MCPH1: variants seen among roughly 807,000 people sequenced by gnomAD.
MCPH1 encodes the protein microcephalin 1, also known as microcephalin.
A neutral mutation model predicts 84.5 loss-of-function variants in MCPH1; 104 were observed. The ratio of observed to expected loss-of-function variants is 1.23; its 90% CI spans 1.05 to 1.45. The LOEUF (loss-of-function observed/expected upper bound fraction) is 1.45. MCPH1 is among the 40% of genes most tolerant of loss of function. The pLI, the probability that MCPH1 is intolerant of heterozygous loss-of-function variation, is 0.00. For missense variants in MCPH1, 1,498 were observed against 1,005.7 expected, an observed-to-expected ratio of 1.49 and a Z score of -6.62; for synonymous variants, 514 against 366.8, an observed-to-expected ratio of 1.40 and a Z score of -4.58.
intron 12 of MCPH1, among the ~76,000 whole-genome samples, chr8:6,547,673 A>C (rs1329561032): frequency 6.6e-6 from 1 of 152,058 alleles, no homozygotes; most frequent in Non-Finnish European, 1.5e-5. Context: ...TGTGTGACAC[A>C]CAGCACAGCA....
chr8:6,468,211 C>G (rs552492731), intron 9 of MCPH1, among the ~76,000 whole-genome samples: 3 of 152,308 alleles, frequency 2.0e-5, no homozygotes, highest in African/African-American at 7.2e-5. Context: ...TGGCTTCTCT[C>G]CTCCTGCCAC....
intron 12 of MCPH1, chr8:6,562,974 G>A (rs2129575940): frequency 6.5e-7 from 1 of 1,548,226 alleles, no homozygotes; most frequent in Non-Finnish European, 8.8e-7. Context: ...GCAAACTTGA[G>A]GGCAAACACA....
intron 12 of MCPH1, among the ~76,000 whole-genome samples, chr8:6,537,437 C>T (rs1335761134): frequency 6.6e-6 from 1 of 151,982 alleles, no homozygotes; most frequent in Non-Finnish European, 1.5e-5. Context: ...GCATGGTTTG[C>T]TGCTTAGTGT....
At chr8:6,491,973 G>T (rs1810647068) in intron 11 of MCPH1, among the ~76,000 whole-genome samples, 1 of 152,166 alleles carries the variant, frequency 6.6e-6, no homozygotes, top group Non-Finnish European at 1.5e-5. Context: ...ATGATTTATA[G>T]TCCTTTGGGT....
chr8:6,474,408 C>A (rs975169296), intron 9 of MCPH1: 12 of 266,084 alleles, frequency 4.5e-5, no homozygotes, highest in South Asian at 2.5e-4. Flanking sequence ...GGGGTCAAAA[C>A]TAATTTCATA....
chr8:6,480,666 T>G, intron 10 of MCPH1, 48 bp from the exon 11 acceptor site: 2 of 1,608,618 alleles, frequency 1.2e-6, no homozygotes, highest in Non-Finnish European at 1.7e-6. Context: ...TTGATGGGCA[T>G]GTGCAACAAA....
chr8:6,556,963 G>A (rs962087291), intron 12 of MCPH1, among the ~76,000 whole-genome samples: 3 of 152,254 alleles, frequency 2.0e-5, no homozygotes, highest in Middle Eastern at 3.4e-3. Context: ...GAAGGCACTC[G>A]ATAAATATTT....
chr8:6,547,869 G>A (rs1822890652), intron 12 of MCPH1, among the ~76,000 whole-genome samples: 1 of 151,442 alleles, frequency 6.6e-6, no homozygotes, highest in Non-Finnish European at 1.5e-5. Flanking sequence ...TTGTTTCAGT[G>A]AGTCATCTTA....
chr8:6,486,275 TC>T (rs1809900838), intron 11 of MCPH1, among the ~76,000 whole-genome samples: 1 of 150,826 alleles, frequency 6.6e-6, no homozygotes, highest in African/African-American at 2.5e-5. Context: ...TCTCTCTCTC[TC>T]TCTCTCTCTC....
chr8:6,474,844 GA>G (rs1808229086), intron 9 of MCPH1, among the ~76,000 whole-genome samples: 1 of 152,078 alleles, frequency 6.6e-6, no homozygotes, highest in South Asian at 2.1e-4. Context: ...TAAAAAATAA[GA>G]ATAATAATAC....
At position 6,592,614 on chromosome 8, in the gene MCPH1, C is replaced by CTTTT. The variant is rs1252024553; in HGVS notation, c.2215-28835_2215-28832dup. Among the ~76,000 whole-genome samples, 208 of 65,400 alleles carry CTTTT rather than the reference C, an allele frequency of 3.2e-3. 8 individuals carry two copies. Among genetic ancestry groups the CTTTT allele is most frequent in the East Asian group, 0.014 (19 of 1,398 alleles). 42.9% of individuals were successfully genotyped at this position (65,400 alleles called of 152,430 possible). ...GTCATCTAGGCTCTCGTTTTTCTTT[C>CTTTT]TTTTTTTTGTTTTTTTTTTTTTTTT... On this transcript the variant is annotated intron_variant, in intron 12 of 13. Transcript: ENST00000344683.
chr8:6,438,508 A>G (rs1329499280), intron 5 of MCPH1, among the ~76,000 whole-genome samples: 1 of 152,194 alleles, frequency 6.6e-6, no homozygotes, highest in Non-Finnish European at 1.5e-5. Context: ...ATCCCACTTC[A>G]TGCAGTCAAG....
chr8:6,407,522 C>T (rs1012899857), intron 1 of MCPH1, among the ~76,000 whole-genome samples: 2 of 152,066 alleles, frequency 1.3e-5, no homozygotes, highest in African/African-American at 4.8e-5. Context: ...AGGGGAATAG[C>T]GGACACGTGT....
rs531345541 is a variant in MCPH1, at chr8:6,647,325, A to G, written c.*4276A>G. 6.6e-6 allele frequency: 1 copy of G among 152,350 alleles called. No individual in the cohort carries two copies. Among genetic ancestry groups the G allele is most frequent in the Non-Finnish European group, 1.5e-5 (1 of 68,030 alleles). The allele number at this position is 152,350 out of a possible 1,614,324, so 9.4% of individuals were successfully genotyped here. A position where few individuals can be genotyped will look rare whatever the true frequency, so the allele number is the denominator to read the frequency against. ...ACTAGAACTCTCCTACATTGCTGGCATGAGTGCAAAATGATACAGCCACTT... is the reference window on the plus strand; with the variant it reads ...ACTAGAACTCTCCTACATTGCTGGCGTGAGTGCAAAATGATACAGCCACTT... On this transcript the variant is annotated 3_prime_UTR_variant, in exon 14 of 14. Transcript: ENST00000344683.
rs561055149 is a variant in MCPH1 at position 6,645,869 on chromosome 8, TAA to T, written c.*2822_*2823del. 166 of 152,304 alleles carry T rather than the reference TAA, an allele frequency of 1.1e-3. No individual in the cohort carries two copies. The highest frequency in any genetic ancestry group is 3.9e-3 in the African/African-American group (163 of 41,576). 9.4% of individuals were successfully genotyped at this position (152,304 alleles called of 1,614,324 possible). A position where few individuals can be genotyped will look rare whatever the true frequency, so the allele number is the denominator to read the frequency against. On this transcript the variant is annotated 3_prime_UTR_variant, in exon 14 of 14. Coordinates refer to ENST00000344683, the MANE Select transcript of MCPH1 (RefSeq NM_024596.5). ...CCTGTAAAACATTGCTGAAAGAAGT[TAA>T]AGACTTCTTTAAATAGAGACATATA...
At chr8:6,465,839 T>G (rs1174111138) in intron 9 of MCPH1, among the ~76,000 whole-genome samples, 3 of 152,340 alleles carry the variant, frequency 2.0e-5, no homozygotes, top group Admixed American at 2.0e-4. Flanking sequence ...GGCTAGAATT[T>G]ACTTTAAATG....
chr8:6,532,307 G>T lies in MCPH1; in HGVS notation c.2214+32378G>T, dbSNP rs142236993. 12,290 of 1,613,702 alleles carry T rather than the reference G, an allele frequency of 7.6e-3. 67 individuals are homozygous for T. The highest frequency in any genetic ancestry group is 9.2e-3 in the Non-Finnish European group (10,878 of 1,179,870). On this transcript the variant is annotated intron_variant, in intron 12 of 13. Transcript: ENST00000344683. ...GCTAGTCTCTAGCTGCAGGGACACCGTGTGCTTTATGTGGCATTACTTACT... is the reference window on the plus strand; with the variant it reads ...GCTAGTCTCTAGCTGCAGGGACACCTTGTGCTTTATGTGGCATTACTTACT...
intron 8 of MCPH1, among the ~76,000 whole-genome samples, chr8:6,453,685 T>G (rs940691693): frequency 6.6e-6 from 1 of 152,164 alleles, no homozygotes; most frequent in African/African-American, 2.4e-5. Flanking sequence ...AATAAGTGCG[T>G]AGTAGATATA....
Position 6,436,081 on chromosome 8 carries a change from A to G in MCPH1, c.355A>G (p.Lys119Glu), listed in dbSNP as rs764901131. Residue 119 changes from lysine to glutamate, a missense_variant, in exon 5 of 14, where the codon AAA (lysine) becomes GAA (glutamate). Coordinates refer to ENST00000344683, the MANE Select transcript of MCPH1 (RefSeq NM_024596.5). ...KCMQPKDFNF[K>E]TPENDKRFQK... is the part of the protein sequence containing the mutation. ...TATGCAGCCCAAAGATTTTAATTTTAAAACACCAGAAAATGATAAGAGATT... is the reference window on the plus strand; with the variant it reads ...TATGCAGCCCAAAGATTTTAATTTTGAAACACCAGAAAATGATAAGAGATT... 1.3e-5 allele frequency: 21 copies of G among 1,613,708 alleles called. No individual in the cohort carries two copies. In the East Asian group the frequency reaches 3.3e-4, roughly 26 times the overall value.
Sources: gnomAD v4.1 joint callset for allele counts (sites outside exome capture counted in the v4.1 genomes callset) on GRCh38, gnomAD v4.1.1 for gene constraint, MANE v1.5 for transcripts, NCBI Gene and HGNC (gene_info 2026-07-23, HGNC 2026-07-21) for gene names.